Variants in PAX8 observed in about 807,000 individuals in gnomAD.
The protein encoded by PAX8 is paired box protein Pax-8.
In PAX8, 15 loss-of-function variants were observed where a neutral mutation model predicts 52.4. The ratio of observed to expected loss-of-function variants is 0.29; its 90% CI spans 0.19 to 0.44. PAX8 has a LOEUF of 0.44. PAX8 is among the 20% of genes least tolerant of loss of function. The pLI is 1.00. For missense variants in PAX8, 554 were observed against 602.5 expected, an observed-to-expected ratio of 0.92 and a Z score of 0.84; for synonymous variants, 284 against 249.7, an observed-to-expected ratio of 1.14 and a Z score of -1.29.
At chr2:113,278,666 A>G (rs989776126) in intron 1 of PAX8, 165 bp downstream of exon 1, 1 of 637,472 alleles carries the variant, frequency 1.6e-6, no homozygotes, top group Non-Finnish European at 2.6e-6. Context: ...AGTGCGCTGA[A>G]GAAGCTCCAG....
chr2:113,265,342 G>T (rs565593562), intron 2 of PAX8: 1 of 152,306 alleles, frequency 6.6e-6, no homozygotes, highest in South Asian at 2.1e-4. Flanking sequence ...GCCCTAAAAC[G>T]TATACATCGA....
At chr2:113,264,443 G>A (rs547283834) in intron 2 of PAX8, among the ~76,000 whole-genome samples, 1 of 152,342 alleles carries the variant, frequency 6.6e-6, no homozygotes, top group South Asian at 2.1e-4. Context: ...AGGATCAGGT[G>A]TATTTCATGT....
At chr2:113,245,402 C>T (rs902607968) in intron 3 of PAX8, among the ~76,000 whole-genome samples, 1 of 152,182 alleles carries the variant, frequency 6.6e-6, no homozygotes, top group African/African-American at 2.4e-5. Context: ...ACTGGACCCT[C>T]TGCTCTGTCT....
intron 4 of PAX8, among the ~76,000 whole-genome samples, chr2:113,243,393 CTTTCT>C (rs1180940250): frequency 2.3e-4 from 8 of 35,262 alleles, no homozygotes; most frequent in Admixed American, 8.3e-4. Flanking sequence ...TCTTTTCTTT[CTTTCT>C]TTTTTTTTTT....
At chr2:113,256,581 T>C (rs1345734240) in intron 2 of PAX8, among the ~76,000 whole-genome samples, 2 of 151,800 alleles carry the variant, frequency 1.3e-5, no homozygotes, top group East Asian at 1.9e-4. Flanking sequence ...TATATATATA[T>C]ACATATTCCA....
rs146086288 is a variant in PAX8 at position 113,241,271 on chromosome 2, C to T, written c.777+280G>A. ...GTGATGTTGCAATCTGGGAAAGACGCTGATGGCAAGGGATAGCATCATCAG... is the reference window on the plus strand; with the variant it reads ...GTGATGTTGCAATCTGGGAAAGACGTTGATGGCAAGGGATAGCATCATCAG... On this transcript the variant is annotated intron_variant, in intron 7 of 11. Coordinates refer to ENST00000429538, the MANE Select transcript of PAX8 (RefSeq NM_003466.4). 2.7e-5 allele frequency: 15 copies of T among 559,100 alleles called. No homozygotes were observed. In the Admixed American group the frequency reaches 4.0e-4, roughly 15 times the overall value. The allele number at this position is 559,100 out of a possible 1,614,324, so 34.6% of individuals were successfully genotyped here.
intron 2 of PAX8, among the ~76,000 whole-genome samples, chr2:113,248,179 A>G (rs1044347512): frequency 2.6e-5 from 4 of 152,078 alleles, no homozygotes; most frequent in Admixed American, 6.6e-5. Flanking sequence ...CGAGATTTCC[A>G]TTTTTCTCAT....
intron 2 of PAX8, among the ~76,000 whole-genome samples, chr2:113,257,512 A>T (rs928589237): frequency 6.6e-6 from 1 of 152,242 alleles, no homozygotes; most frequent in African/African-American, 2.4e-5. Flanking sequence ...CTTCTGCCTT[A>T]GATCAGCCCA....
At chr2:113,260,845 G>A (rs1268415278) in intron 2 of PAX8, among the ~76,000 whole-genome samples, 1 of 151,570 alleles carries the variant, frequency 6.6e-6, no homozygotes, top group African/African-American at 2.4e-5. Flanking sequence ...CCTGAATTAG[G>A]GCACGTTTAG....
chr2:113,220,009 T>C, intron 11 of PAX8, 83 bp downstream of exon 11: 2 of 945,714 alleles, frequency 2.1e-6, no homozygotes, highest in Non-Finnish European at 3.3e-6. Flanking sequence ...CTCCCAGCTT[T>C]CAGGTAACCT....
intron 10 of PAX8, among the ~76,000 whole-genome samples, chr2:113,222,636 T>G (rs992296963): frequency 6.6e-6 from 1 of 152,196 alleles, no homozygotes; most frequent in African/African-American, 2.4e-5. Flanking sequence ...GTTTTCTGTT[T>G]CATCAGTCTC....
intron 3 of PAX8, among the ~76,000 whole-genome samples, chr2:113,245,953 GGA>G (rs1252562140): frequency 7.9e-5 from 12 of 152,300 alleles, no homozygotes; most frequent in African/African-American, 2.9e-4. Context: ...CAGAGCAGGG[GGA>G]CAGGCACACG....
intron 11 of PAX8, among the ~76,000 whole-genome samples, chr2:113,219,329 C>T (rs1689150367): frequency 6.6e-6 from 1 of 152,266 alleles, no homozygotes; most frequent in Middle Eastern, 3.4e-3. Context: ...ATCCTTGGAT[C>T]ACTGCTTCTG....
chr2:113,226,571 C>A, intron 10 of PAX8: 8 of 1,009,690 alleles, frequency 7.9e-6, no homozygotes, highest in Non-Finnish European at 9.5e-6. Context: ...CTCATTTCAT[C>A]CTCTATAGTA....
chr2:113,244,029 A>G (rs1370755684), intron 4 of PAX8, among the ~76,000 whole-genome samples: 2 of 152,248 alleles, frequency 1.3e-5, no homozygotes, highest in Non-Finnish European at 2.9e-5. Context: ...GCGAGTGAGT[A>G]AGTAAATGAT....
At chr2:113,272,479 T>C (rs1693525780) in intron 2 of PAX8, 1 of 152,208 alleles carries the variant, frequency 6.6e-6, no homozygotes, top group African/African-American at 2.4e-5. Flanking sequence ...CATTTAAAAG[T>C]GTCATTACTG....
rs756823730 is a variant in PAX8, at chr2:113,242,710, A to G, written c.458T>C (p.Leu153Pro). 4 of 1,613,508 alleles carry G rather than the reference A, an allele frequency of 2.5e-6. No individual in the cohort carries two copies. The highest frequency in any genetic ancestry group is 3.4e-6 in the Non-Finnish European group (4 of 1,179,506). The change falls in exon 5 of 12, where the codon CTG (leucine) becomes CCG (proline). Residue 153 changes from leucine to proline, a missense_variant. Leu to Pro is a moderately conservative substitution (Grantham distance 98, BLOSUM62 -3). Coordinates refer to ENST00000429538, the MANE Select transcript of PAX8 (RefSeq NM_003466.4). The stretch of plus-strand genomic sequence containing the variant: ...CTCACTCAGCGTGTGTCCGGGACTC[A>G]GGGACTTGGTGGCCACGCAGCTGTC... The part of the protein sequence containing the change: ...PMDSCVATKS[L>P]SPGHTLIPSS...
At chr2:113,264,993 A>C (rs1016480858) in intron 2 of PAX8, among the ~76,000 whole-genome samples, 2 of 152,246 alleles carry the variant, frequency 1.3e-5, no homozygotes, top group African/African-American at 2.4e-5. Context: ...CGGATTGTAC[A>C]TCAGCAGTTT....
intron 2 of PAX8, chr2:113,274,672 T>G (rs1188244717): frequency 6.6e-6 from 1 of 152,212 alleles, no homozygotes; most frequent in Non-Finnish European, 1.5e-5. Context: ...TCACTGTAAG[T>G]AAAGTTTCAC....
Sources: gnomAD v4.1 joint callset for allele counts (sites outside exome capture counted in the v4.1 genomes callset) on GRCh38, gnomAD v4.1.1 for gene constraint, MANE v1.5 for transcripts, NCBI Gene and HGNC (gene_info 2026-07-23, HGNC 2026-07-21) for gene names.